The following GPR155 variants were observed in gnomAD, a reference collection of about 807,000 sequenced individuals.
The protein encoded by GPR155 is lysosomal cholesterol signaling protein.
A neutral mutation model predicts 93.1 loss-of-function variants in GPR155; 65 were observed. The observed-to-expected ratio is 0.70, with a 90% CI of 0.57 to 0.86. The LOEUF (loss-of-function observed/expected upper bound fraction) is 0.86, where lower values mean the gene tolerates loss of function less well. Among genes scored for constraint, GPR155 ranks in the 40% least tolerant of loss-of-function variants. The probability of loss-of-function intolerance (pLI) is 0.00; values close to 1 mark genes in which losing one functional copy is unlikely to be tolerated. For synonymous variants in GPR155, 319 were observed against 360.1 expected (o/e 0.89, Z 1.29); for missense variants, 838 against 1,034.8 (o/e 0.81, Z 2.61).
rs1175656484 is a variant in GPR155 at position 174,434,787 on chromosome 2, CTTTTTCT to C, written c.*1322_*1328del. 2.1e-5 allele frequency: 2 copies of C among 97,436 alleles called. No homozygotes were observed. Among genetic ancestry groups the C allele is most frequent in the African/African-American group, 4.3e-5 (1 of 23,120 alleles). The allele number at this position is 97,436 out of a possible 1,614,324, so 6.0% of individuals were successfully genotyped here. On this transcript the variant is annotated 3_prime_UTR_variant, in exon 16 of 16. Transcript: ENST00000392552. ...CACCTGGGTATTCTTTTTTCTTTTTCTTTTTCTTTTTTTTTTTTTTTAGTACAGACCG... is the reference window on the plus strand; with the variant it reads ...CACCTGGGTATTCTTTTTTCTTTTTCTTTTTTTTTTTTTTAGTACAGACCG...
chr2:174,441,586 C>CTGTCG lies in GPR155; in HGVS notation c.2174+532_2174+533insCGACA, dbSNP rs879759343. On this transcript the variant is annotated intron_variant, in intron 14 of 15. Transcript: ENST00000392552. Reference sequence around the variant, plus strand: ...TCCTAATGCTATCCCTCCCACCTTACCCTACCCCACGACAGGCCCCGGTGT... The same window carrying CTGTCG: ...TCCTAATGCTATCCCTCCCACCTTACTGTCGCCTACCCCACGACAGGCCCCGGTGT... Among the ~76,000 whole-genome samples the CTGTCG allele has an allele frequency of 9.7e-4, 147 of 152,106 alleles. 2 individuals are homozygous for CTGTCG. The East Asian group carries it at 0.027, about 28-fold the overall frequency.
chr2:174,445,043 A>G (rs781725885), intron 13 of GPR155, 38 bp downstream of exon 13: 1 of 998,612 alleles, frequency 1.0e-6, no homozygotes, highest in East Asian at 2.4e-5. Context: ...CCTATCCAGG[A>G]AGACAAAAAC....
intron 3 of GPR155, 22 bp from the exon 4 acceptor site, chr2:174,470,577 C>A: frequency 2.5e-6 from 4 of 1,604,266 alleles, no homozygotes; most frequent in Non-Finnish European, 3.4e-6. Context: ...AGAAAAACAT[C>A]ATTTACCTGA....
chr2:174,436,069 A>G lies in GPR155; in HGVS notation c.*47T>C, dbSNP rs773196674. Reference sequence around the variant, plus strand: ...AGGTCACCCAGCTAAAAACTAATGAATACGCGGCTAGAATATGATTCCATG... The same window carrying G: ...AGGTCACCCAGCTAAAAACTAATGAGTACGCGGCTAGAATATGATTCCATG... On this transcript the variant is annotated 3_prime_UTR_variant, in exon 16 of 16. Transcript: ENST00000392552. The G allele has an allele frequency of 4.6e-6, 7 of 1,512,228 alleles. No individual in the cohort carries two copies. The highest frequency in any genetic ancestry group is 1.8e-5 in the Admixed American group (1 of 56,984). The allele number at this position is 1,512,228 out of a possible 1,614,324, so 93.7% of individuals were successfully genotyped here. A position where few individuals can be genotyped will look rare whatever the true frequency, so the allele number is the denominator to read the frequency against.
chr2:174,439,840 TAATC>T (rs1378509676), intron 15 of GPR155, 54 bp downstream of exon 15: 41 of 1,457,564 alleles, frequency 2.8e-5, no homozygotes, highest in African/African-American at 1.1e-4. Context: ...AATCCAAAAT[TAATC>T]AATTAATCAT....
In GPR155 at chr2:174,436,162, T is replaced by G; in HGVS notation, c.2567A>C (p.Lys856Thr). The stretch of plus-strand genomic sequence containing the variant: ...GGGTGGGGATGAATGCTCAATTTCT[T>G]TATATCTTTCCTGTTGGAGAGTGTT... ...NANTLQQERY[K>T]EIEHSSPPSH... The change falls in exon 16 of 16, where the codon AAA (lysine) becomes ACA (threonine). Residue 856 changes from lysine (K) to threonine (T), a missense_variant. Around this residue, in one of 3 missense-constraint regions of GPR155, gnomAD observed 146 missense variants for 177.5 expected, o/e 0.82. Transcript: ENST00000392552. 1.2e-6 allele frequency: 2 copies of G among 1,614,014 alleles called. No homozygotes were observed. The highest frequency in any genetic ancestry group is 1.7e-6 in the Non-Finnish European group (2 of 1,179,886).
At chr2:174,448,446 C>A (rs928597495) in intron 11 of GPR155, among the ~76,000 whole-genome samples, 1 of 151,858 alleles carries the variant, frequency 6.6e-6, no homozygotes, top group African/African-American at 2.4e-5. Flanking sequence ...GGACATCGAC[C>A]TTTGGGAAGA....
intron 10 of GPR155, among the ~76,000 whole-genome samples, chr2:174,458,254 T>C (rs1240441308): frequency 6.6e-6 from 1 of 152,202 alleles, no homozygotes; most frequent in East Asian, 1.9e-4. Context: ...CAAGCATTCA[T>C]CAAATATTGA....
chr2:174,461,071 GA>G (rs35033504), intron 9 of GPR155, among the ~76,000 whole-genome samples: 32,435 of 152,020 alleles, frequency 0.21, 3,633 homozygotes, highest in South Asian at 0.29. Context: ...ATAGGATTAA[GA>G]GTCAAGAATT....
At chr2:174,476,005 C>T (rs1688158042) in intron 2 of GPR155, among the ~76,000 whole-genome samples, 1 of 152,206 alleles carries the variant, frequency 6.6e-6, no homozygotes, top group Non-Finnish European at 1.5e-5. Context: ...TTAATCACTA[C>T]CGCATAATGA....
chr2:174,448,033 CT>C (rs1687191289), intron 11 of GPR155, among the ~76,000 whole-genome samples: 1 of 151,980 alleles, frequency 6.6e-6, no homozygotes, highest in African/African-American at 2.4e-5. Context: ...GCCTTAACCC[CT>C]GCCTTTCACC....
intron 3 of GPR155, among the ~76,000 whole-genome samples, chr2:174,472,525 T>G (rs939873918): frequency 2.6e-5 from 4 of 152,358 alleles, no homozygotes; most frequent in Admixed American, 1.3e-4. Flanking sequence ...TTAGAAAATT[T>G]GGCCAACCTC....
chr2:174,461,484 G>C lies in GPR155; in HGVS notation c.1478C>G (p.Ala493Gly). ...IIIISGWGIP[A>G]LLVGVLLITG... ...TATCAAAAGAACACCAACAAGGAGA[G>C]CAGGAATTCTGTAATCACAAGTGAT... The change falls in exon 9 of 16, where the codon GCT (alanine) becomes GGT (glycine). Residue 493 changes from alanine to glycine, a missense_variant. Coordinates refer to ENST00000392552, the MANE Select transcript of GPR155 (RefSeq NM_152529.7). 6.2e-7 allele frequency: 1 copy of C among 1,610,896 alleles called. No individual in the cohort carries two copies. The highest frequency in any genetic ancestry group is 8.5e-7 in the Non-Finnish European group (1 of 1,177,106).
intron 7 of GPR155, among the ~76,000 whole-genome samples, chr2:174,462,830 A>C (rs1687738961): frequency 6.6e-6 from 1 of 152,242 alleles, no homozygotes; most frequent in Non-Finnish European, 1.5e-5. Flanking sequence ...TTATGTATGC[A>C]AGTAACATTT....
chr2:174,486,661 C>G (rs1459303128), intron 1 of GPR155, among the ~76,000 whole-genome samples: 1 of 152,184 alleles, frequency 6.6e-6, no homozygotes, highest in Non-Finnish European at 1.5e-5. Context: ...CACCCCCTCC[C>G]CCGCGCGAGC....
intron 1 of GPR155, among the ~76,000 whole-genome samples, chr2:174,484,896 G>A (rs1016401203): frequency 2.0e-5 from 3 of 152,188 alleles, no homozygotes; most frequent in Non-Finnish European, 2.9e-5. Flanking sequence ...ACTCCAGCCT[G>A]AGTAAGACCC....
chr2:174,446,019 C>G (rs1440499781), intron 12 of GPR155, among the ~76,000 whole-genome samples: 3 of 151,632 alleles, frequency 2.0e-5, no homozygotes, highest in African/African-American at 7.3e-5. Context: ...GAAATAGCTG[C>G]TTTTGGGCCT....
At chr2:174,448,530 G>GTTTTTTTTTTTTTT (rs565221876) in intron 11 of GPR155, among the ~76,000 whole-genome samples, 1 of 100,968 alleles carries the variant, frequency 9.9e-6, no homozygotes, top group Non-Finnish European at 1.9e-5. Context: ...TTTGTTTTTT[G>GTTTTTTTTTTTTTT]TTTTTTTTTT....
chr2:174,451,949 G>A (rs1444467392), intron 11 of GPR155, among the ~76,000 whole-genome samples: 3 of 152,052 alleles, frequency 2.0e-5, no homozygotes, highest in South Asian at 2.1e-4. Flanking sequence ...ACGCTCAGGC[G>A]AGAATCAACA....
Sources: gnomAD v4.1 joint callset for allele counts (sites outside exome capture counted in the v4.1 genomes callset) on GRCh38, gnomAD v4.1.1 for gene constraint, gnomAD v4.1.1 regional missense constraint, MANE v1.5 for transcripts, NCBI Gene and HGNC (gene_info 2026-07-23, HGNC 2026-07-21) for gene names.